GRIA2: variants seen among roughly 807,000 people sequenced by gnomAD.
GRIA2 encodes the protein glutamate receptor 2.
Under a neutral mutation model 97.3 loss-of-function variants are expected in GRIA2, and 14 were observed. The observed-to-expected ratio is 0.14, with a 90% CI of 0.10 to 0.23. GRIA2 has a LOEUF of 0.23. GRIA2 is among the 10% of genes least tolerant of loss of function. The probability of loss-of-function intolerance (pLI) is 1.00; values close to 1 mark genes in which losing one functional copy is unlikely to be tolerated. For missense variants in GRIA2, 558 were observed against 1,069.8 expected (o/e 0.52, Z 6.67); for synonymous variants, 412 against 387.8 (o/e 1.06, Z -0.73).
rs1258301066 is a variant in GRIA2, at chr4:157,222,563, G to T, written c.229+756G>T. 3.3e-5 allele frequency among the ~76,000 whole-genome samples: 5 copies of T among 152,292 alleles called. No individual in the cohort carries two copies. The East Asian group carries it at 7.8e-4, about 24-fold the overall frequency. On this transcript the variant is annotated intron_variant, in intron 2 of 15. Transcript: ENST00000264426. ...CGCTTAAGTTGGAGGGGGCGAGGCC[G>T]CCAGGGGCGCCGCGGTCAGCTTGCC... is the stretch of plus-strand genomic sequence containing the variant.
At chr4:157,294,402 A>T (rs1487706608) in intron 2 of GRIA2, among the ~76,000 whole-genome samples, 1 of 151,922 alleles carries the variant, frequency 6.6e-6, no homozygotes, top group Non-Finnish European at 1.5e-5. Context: ...AAGAGATTGC[A>T]GGTTTTTTAG....
At chr4:157,297,989 T>A (rs1269477517) in intron 2 of GRIA2, among the ~76,000 whole-genome samples, 1 of 152,058 alleles carries the variant, frequency 6.6e-6, no homozygotes, top group Non-Finnish European at 1.5e-5. Context: ...AATATTTGCA[T>A]AAGGAGTTGA....
intron 2 of GRIA2, among the ~76,000 whole-genome samples, chr4:157,230,944 C>G (rs1250879846): frequency 6.6e-6 from 1 of 152,112 alleles, no homozygotes; most frequent in Non-Finnish European, 1.5e-5. Context: ...GTCTTGAGCT[C>G]TTGGGCTCAA....
intron 2 of GRIA2, among the ~76,000 whole-genome samples, chr4:157,254,477 C>T (rs1354177349): frequency 6.6e-6 from 1 of 151,894 alleles, no homozygotes; most frequent in Non-Finnish European, 1.5e-5. Flanking sequence ...TTGTTAATAT[C>T]CATAGTCTAT....
chr4:157,293,321 G>A (rs1733189956), intron 2 of GRIA2, among the ~76,000 whole-genome samples: 1 of 152,150 alleles, frequency 6.6e-6, no homozygotes, highest in African/African-American at 2.4e-5. Flanking sequence ...ATTAGGGAAT[G>A]TTAATAAAAT....
chr4:157,303,876 A>C (rs1733725390), intron 3 of GRIA2, 85 bp downstream of exon 3: 3 of 1,387,662 alleles, frequency 2.2e-6, no homozygotes, highest in Non-Finnish European at 3.0e-6. Flanking sequence ...AAAGCTACAA[A>C]GGTGTGATAA....
At chr4:157,240,497 C>G (rs896848506) in intron 2 of GRIA2, among the ~76,000 whole-genome samples, 1 of 151,868 alleles carries the variant, frequency 6.6e-6, no homozygotes, top group East Asian at 1.9e-4. Flanking sequence ...GTATCTCTTT[C>G]TCCACTTTAT....
chr4:157,248,741 A>G (rs1201185766), intron 2 of GRIA2, among the ~76,000 whole-genome samples: 1 of 141,902 alleles, frequency 7.0e-6, no homozygotes, highest in Non-Finnish European at 1.5e-5. Flanking sequence ...ACGTATGTAT[A>G]TATATATACC....
At chr4:157,243,594 T>C (rs1355856333) in intron 2 of GRIA2, among the ~76,000 whole-genome samples, 1 of 152,156 alleles carries the variant, frequency 6.6e-6, no homozygotes, top group East Asian at 1.9e-4. Flanking sequence ...TTAAACTCCT[T>C]TGAGGTGTCT....
At chr4:157,337,386 A>G (rs982622561) in intron 11 of GRIA2, among the ~76,000 whole-genome samples, 2 of 152,082 alleles carry the variant, frequency 1.3e-5, no homozygotes, top group African/African-American at 4.8e-5. Context: ...TAATCTCATT[A>G]TGATATGTTA....
At chr4:157,354,452 AT>A (rs1736158392) in intron 12 of GRIA2, among the ~76,000 whole-genome samples, 1 of 152,092 alleles carries the variant, frequency 6.6e-6, no homozygotes, top group Non-Finnish European at 1.5e-5. Flanking sequence ...ATACACTGTT[AT>A]TTTCTGTGAA....
At chr4:157,329,597 C>T (rs539068189) in intron 6 of GRIA2, among the ~76,000 whole-genome samples, 3 of 151,966 alleles carry the variant, frequency 2.0e-5, no homozygotes, top group Admixed American at 6.6e-5. Context: ...GATCACAGAA[C>T]CCTTTTGTGT....
chr4:157,297,549 C>T (rs1210989902), intron 2 of GRIA2, among the ~76,000 whole-genome samples: 1 of 152,062 alleles, frequency 6.6e-6, no homozygotes, highest in African/African-American at 2.4e-5. Flanking sequence ...CATGACTAAG[C>T]TCAGACAGAC....
At chr4:157,266,708 T>G (rs1731786386) in intron 2 of GRIA2, among the ~76,000 whole-genome samples, 1 of 151,782 alleles carries the variant, frequency 6.6e-6, no homozygotes, top group Non-Finnish European at 1.5e-5. Context: ...GAGTAGAGAA[T>G]GAGGTGTTCA....
chr4:157,362,105 G>C (rs1039758558), intron 14 of GRIA2, among the ~76,000 whole-genome samples: 2 of 152,220 alleles, frequency 1.3e-5, no homozygotes, highest in African/African-American at 4.8e-5. Flanking sequence ...GAATGGCAAA[G>C]CTTTGTTGTG....
chr4:157,315,643 A>G (rs899390525), intron 4 of GRIA2, among the ~76,000 whole-genome samples: 1 of 152,074 alleles, frequency 6.6e-6, no homozygotes, highest in Non-Finnish European at 1.5e-5. Context: ...CCCTGGTTGA[A>G]GAGATTCTAC....
rs1560781240 is a variant in GRIA2 at position 157,355,951 on chromosome 4, T to TATATTTA, written c.2044-3945_2044-3944insATATTTA. Among the ~76,000 whole-genome samples, 4 of 68,104 alleles carry TATATTTA rather than the reference T, an allele frequency of 5.9e-5. No individual in the cohort carries two copies. In the East Asian group the frequency reaches 1.5e-3, roughly 25 times the overall value. 44.7% of individuals were successfully genotyped at this position (68,104 alleles called of 152,430 possible). ...TATATATTTATATATTAATATATATTTATATATTTATGTATATTAATATAT... is the reference window on the plus strand; with the variant it reads ...TATATATTTATATATTAATATATATTATATTTATATATATTTATGTATATTAATATAT... On this transcript the variant is annotated intron_variant, in intron 12 of 15. Coordinates refer to ENST00000264426, the MANE Select transcript of GRIA2 (RefSeq NM_001083619.3).
At chr4:157,284,434 A>G (rs1732747239) in intron 2 of GRIA2, among the ~76,000 whole-genome samples, 1 of 151,774 alleles carries the variant, frequency 6.6e-6, no homozygotes, top group Non-Finnish European at 1.5e-5. Flanking sequence ...CAAAGCATCC[A>G]TTATTCATTC....
intron 6 of GRIA2, among the ~76,000 whole-genome samples, chr4:157,332,447 G>A (rs1011056610): frequency 6.0e-5 from 9 of 151,160 alleles, no homozygotes; most frequent in Admixed American, 2.0e-4. Context: ...GGACTGTAAA[G>A]AAATATTAAT....
Sources: gnomAD v4.1 joint callset for allele counts (sites outside exome capture counted in the v4.1 genomes callset) on GRCh38, gnomAD v4.1.1 for gene constraint, MANE v1.5 for transcripts, NCBI Gene and HGNC (gene_info 2026-07-23, HGNC 2026-07-21) for gene names.